CSMD2: variants seen among roughly 807,000 people sequenced by gnomAD.
The protein encoded by CSMD2 is CUB and Sushi multiple domains 2.
Under a neutral mutation model 398.5 loss-of-function variants are expected in CSMD2, and 130 were observed. The ratio of observed to expected loss-of-function variants is 0.33; its 90% CI spans 0.28 to 0.38. The LOEUF is 0.38. CSMD2 is among the 10% of genes least tolerant of loss of function. CSMD2 has a pLI of 1.00. For synonymous variants in CSMD2, 1,828 were observed against 1,908.5 expected, an observed-to-expected ratio of 0.96 and a Z score of 1.10; for missense variants, 3,829 against 4,764.9, an observed-to-expected ratio of 0.80 and a Z score of 5.78.
At chr1:33,901,435 C>G (rs1642750770) in intron 5 of CSMD2, among the ~76,000 whole-genome samples, 1 of 152,192 alleles carries the variant, frequency 6.6e-6, no homozygotes, top group Non-Finnish European at 1.5e-5. Context: ...AGATGATGGG[C>G]CAAGTCCATG....
intron 12 of CSMD2, 149 bp downstream of exon 12, chr1:33,788,451 T>C: frequency 1.8e-6 from 1 of 564,204 alleles, no homozygotes; most frequent in Non-Finnish European, 3.1e-6. Context: ...GAGGCTGTAG[T>C]GAGCTAAGAT....
chr1:33,759,235 A>C (rs960750775), intron 13 of CSMD2, among the ~76,000 whole-genome samples: 1 of 151,326 alleles, frequency 6.6e-6, no homozygotes, highest in Admixed American at 6.6e-5. Flanking sequence ...GGTAGGCAAG[A>C]GTTTTGATGG....
chr1:33,921,413 C>T (rs1643933363), intron 4 of CSMD2, among the ~76,000 whole-genome samples: 1 of 152,174 alleles, frequency 6.6e-6, no homozygotes, highest in Non-Finnish European at 1.5e-5. Flanking sequence ...AGGAGCCAGC[C>T]AACAAGTGGG....
chr1:33,772,470 C>T, intron 13 of CSMD2, 99 bp downstream of exon 13: 1 of 1,038,226 alleles, frequency 9.6e-7, no homozygotes, highest in East Asian at 2.4e-5. Flanking sequence ...GTTGTTACAA[C>T]CTGCAAGGTT....
chr1:33,521,337 C>T, intron 68 of CSMD2, 126 bp downstream of exon 68: 1 of 694,998 alleles, frequency 1.4e-6, no homozygotes, highest in African/African-American at 1.7e-5. Context: ...ATCCCTGATC[C>T]CAAAGAGGCC....
At chr1:33,794,240 A>G (rs1425965269) in intron 10 of CSMD2, among the ~76,000 whole-genome samples, 1 of 152,220 alleles carries the variant, frequency 6.6e-6, no homozygotes. Context: ...GTGTCTATGC[A>G]GGGCCCCTCT....
rs1244398379 is a variant in CSMD2, at chr1:33,586,693, G to A, written c.6938-76C>T. The A allele has an allele frequency of 2.6e-5, 24 of 906,582 alleles. No homozygotes were observed. In the South Asian group the frequency reaches 2.8e-4, roughly 11 times the overall value. 56.2% of individuals were successfully genotyped at this position (906,582 alleles called of 1,614,324 possible). ...GTACCTTGAACCCACTTCCAGGTGA[G>A]ATAATCAGAGGCGGGTCATGTTCTG... is the stretch of plus-strand genomic sequence containing the variant. On this transcript the variant is annotated intron_variant, in intron 45 of 70. Transcript: ENST00000373381.
intron 27 of CSMD2, among the ~76,000 whole-genome samples, chr1:33,654,060 A>C (rs2148973930): frequency 6.6e-6 from 1 of 152,270 alleles, no homozygotes; most frequent in East Asian, 1.9e-4. Context: ...AACAAATGGT[A>C]GGTCTTCAGG....
At chr1:34,057,081 C>T (rs180774621) in intron 2 of CSMD2, among the ~76,000 whole-genome samples, 17 of 152,272 alleles carry the variant, frequency 1.1e-4, no homozygotes, top group Admixed American at 4.6e-4. Flanking sequence ...GGATCTGCTG[C>T]GTCTCCCCTC....
chr1:33,891,000 C>A (rs1412056254), intron 5 of CSMD2, among the ~76,000 whole-genome samples: 2 of 152,276 alleles, frequency 1.3e-5, no homozygotes, highest in East Asian at 3.9e-4. Flanking sequence ...GCAAAGACTT[C>A]ATGTCTAAAA....
At chr1:34,051,967 C>G (rs1488478998) in intron 2 of CSMD2, among the ~76,000 whole-genome samples, 2 of 152,088 alleles carry the variant, frequency 1.3e-5, no homozygotes, top group East Asian at 3.9e-4. Flanking sequence ...CATTAAGGGC[C>G]TAAATAGAAC....
intron 22 of CSMD2, among the ~76,000 whole-genome samples, chr1:33,706,204 G>A (rs1046460620): frequency 2.0e-5 from 3 of 151,822 alleles, no homozygotes; most frequent in Non-Finnish European, 2.9e-5. Context: ...TAATTTATTC[G>A]TGCTATGTTA....
chr1:33,574,719 G>C (rs1292814907), intron 49 of CSMD2, among the ~76,000 whole-genome samples: 1 of 152,166 alleles, frequency 6.6e-6, no homozygotes, highest in East Asian at 1.9e-4. Context: ...ATCTAAGTGT[G>C]GGACTTTCCA....
intron 26 of CSMD2, among the ~76,000 whole-genome samples, chr1:33,661,878 C>T (rs1163702346): frequency 6.6e-6 from 1 of 152,172 alleles, no homozygotes. Flanking sequence ...GGGGGCAAAG[C>T]CACGGCACAG....
At chr1:33,680,797 A>G in intron 25 of CSMD2, among the ~76,000 whole-genome samples, 1 of 152,040 alleles carries the variant, frequency 6.6e-6, no homozygotes, top group East Asian at 1.9e-4. Flanking sequence ...TGGACTGTGA[A>G]GTGTGTGAAA....
intron 12 of CSMD2, among the ~76,000 whole-genome samples, chr1:33,775,771 A>C (rs1651889835): frequency 6.6e-6 from 1 of 152,182 alleles, no homozygotes; most frequent in Non-Finnish European, 1.5e-5. Flanking sequence ...ATAGATTGTA[A>C]AAGAAGCCAT....
intron 1 of CSMD2, among the ~76,000 whole-genome samples, chr1:34,150,749 AC>A (rs1204447975): frequency 6.6e-6 from 1 of 151,876 alleles, no homozygotes; most frequent in Non-Finnish European, 1.5e-5. Flanking sequence ...CCCCATTTCT[AC>A]AAAAAAGTTT....
intron 53 of CSMD2, among the ~76,000 whole-genome samples, chr1:33,562,212 G>T (rs967939831): frequency 1.7e-5 from 2 of 118,472 alleles, no homozygotes; most frequent in Non-Finnish European, 3.7e-5. Flanking sequence ...AGTGTCCCCT[G>T]CCTGGTTCAG....
chr1:33,921,611 A>G (rs999913192), intron 4 of CSMD2, among the ~76,000 whole-genome samples: 1 of 152,126 alleles, frequency 6.6e-6, no homozygotes, highest in Non-Finnish European at 1.5e-5. Flanking sequence ...AAAGCACAGG[A>G]GTGTGCTGGA....
Sources: gnomAD v4.1 joint callset for allele counts (sites outside exome capture counted in the v4.1 genomes callset) on GRCh38, gnomAD v4.1.1 for gene constraint, MANE v1.5 for transcripts, NCBI Gene and HGNC (gene_info 2026-07-23, HGNC 2026-07-21) for gene names.